Variants in FIGN observed in about 807,000 individuals in gnomAD.
FIGN encodes fidgetin, microtubule severing factor.
A neutral mutation model predicts 51.3 loss-of-function variants in FIGN; 11 were observed. That is an observed-to-expected ratio of 0.21 (90% CI 0.13 to 0.35). The LOEUF (loss-of-function observed/expected upper bound fraction) is 0.35. Among genes scored for constraint, FIGN ranks in the 10% least tolerant of loss-of-function variants. FIGN has a pLI of 1.00. For synonymous variants in FIGN, 407 were observed against 363.2 expected (o/e 1.12, Z -1.37); for missense variants, 857 against 943.6 (o/e 0.91, Z 1.20).
At chr2:163,639,722 G>T (rs950517428) in intron 2 of FIGN, among the ~76,000 whole-genome samples, 2 of 151,854 alleles carry the variant, frequency 1.3e-5, no homozygotes, top group Non-Finnish European at 2.9e-5. Context: ...AAATCTAAAA[G>T]GCATTTTTTT....
intron 2 of FIGN, among the ~76,000 whole-genome samples, chr2:163,684,632 T>C (rs1169920529): frequency 1.3e-5 from 2 of 152,182 alleles, no homozygotes; most frequent in African/African-American, 4.8e-5. Context: ...GAGGGAGAGG[T>C]AGATGTTTAT....
intron 2 of FIGN, among the ~76,000 whole-genome samples, chr2:163,639,447 T>C (rs1325046761): frequency 6.6e-6 from 1 of 152,140 alleles, no homozygotes; most frequent in Non-Finnish European, 1.5e-5. Flanking sequence ...AGGTTAAACA[T>C]GGCAAACAAG....
At chr2:163,661,338 C>T (rs1461293942) in intron 2 of FIGN, among the ~76,000 whole-genome samples, 1 of 151,774 alleles carries the variant, frequency 6.6e-6, no homozygotes, top group African/African-American at 2.4e-5. Flanking sequence ...CTACTGGGTT[C>T]AAGCGATTCT....
chr2:163,610,989 A>G lies in FIGN; in HGVS notation c.843T>C (p.Ala281=), dbSNP rs1017654144. 16 of 1,613,454 alleles carry G rather than the reference A, an allele frequency of 9.9e-6. No homozygotes were observed. Among genetic ancestry groups the G allele is most frequent in the Non-Finnish European group, 1.4e-5 (16 of 1,179,940 alleles). The change falls in exon 3 of 3, where the codon GCT becomes GCC. Residue 281 remains alanine (A), a synonymous_variant. Coordinates refer to ENST00000333129, the MANE Select transcript of FIGN (RefSeq NM_018086.4). ...PSAYLPSGIP[A]PTPLPPTTVP... Reference sequence around the variant, plus strand: ...CAGTGGTGGGGGGTAGGGGGGTGGGAGCAGGAATTCCTGAAGGCAGGTACG... The same window carrying G: ...CAGTGGTGGGGGGTAGGGGGGTGGGGGCAGGAATTCCTGAAGGCAGGTACG...
At chr2:163,730,093 C>T (rs1330800005) in intron 2 of FIGN, among the ~76,000 whole-genome samples, 1 of 152,236 alleles carries the variant, frequency 6.6e-6, no homozygotes, top group Non-Finnish European at 1.5e-5. Flanking sequence ...GAGCAGGCAC[C>T]TGTGGTGCTG....
intron 2 of FIGN, among the ~76,000 whole-genome samples, chr2:163,659,750 G>A (rs1338872976): frequency 1.3e-5 from 2 of 152,206 alleles, no homozygotes; most frequent in Non-Finnish European, 2.9e-5. Context: ...CAAATCAGAT[G>A]CAACTTTTTT....
chr2:163,652,229 T>TA (rs1211169777), intron 2 of FIGN, among the ~76,000 whole-genome samples: 1 of 151,964 alleles, frequency 6.6e-6, no homozygotes, highest in African/African-American at 2.4e-5. Flanking sequence ...AAAAGCTAAA[T>TA]AAAAAATAAC....
rs542520285 is a variant in FIGN, at chr2:163,683,813, G to A, written c.25+51090C>T. ...TGAAATAGAAGGGCAGGGAGTAATG[G>A]CAGGCCTAGAGAACATGTTTTAATG... On this transcript the variant is annotated intron_variant, in intron 2 of 2. Transcript: ENST00000333129. 2.6e-5 allele frequency among the ~76,000 whole-genome samples: 4 copies of A among 152,236 alleles called. No homozygotes were observed. The Middle Eastern group carries it at 0.014, about 518-fold the overall frequency.
In FIGN at chr2:163,671,073, G is replaced by A. The variant is rs139300017; in HGVS notation, c.26-59267C>T. Among the ~76,000 whole-genome samples the A allele has an allele frequency of 2.6e-4, 39 of 152,236 alleles. 1 individual carries two copies. The East Asian group carries it at 6.6e-3, about 26-fold the overall frequency. The stretch of plus-strand genomic sequence containing the variant: ...GATTCCCATTATCTATCCAGCTGGC[G>A]TGACTTGGCAAACAGTATTTTACAA... On this transcript the variant is annotated intron_variant, in intron 2 of 2. Coordinates refer to ENST00000333129, the MANE Select transcript of FIGN (RefSeq NM_018086.4).
At chr2:163,696,478 C>T (rs1288678214) in intron 2 of FIGN, among the ~76,000 whole-genome samples, 3 of 152,104 alleles carry the variant, frequency 2.0e-5, no homozygotes, top group Non-Finnish European at 4.4e-5. Flanking sequence ...GATGAAATAT[C>T]GCTGCAAGTA....
At position 163,610,490 on chromosome 2, in the gene FIGN, G is replaced by A. The variant is rs2231904; in HGVS notation, c.1342C>T (p.Arg448Cys). 1.9e-5 allele frequency: 31 copies of A among 1,614,004 alleles called. No homozygotes were observed. The East Asian group carries it at 2.2e-4, about 12-fold the overall frequency. The change falls in exon 3 of 3, where the codon CGT (arginine) becomes TGT (cysteine). Residue 448 changes from arginine to cysteine, a missense_variant. By Grantham distance (180) the Arg-to-Cys change is radical. Around this residue, in one of 3 missense-constraint regions of FIGN, gnomAD observed 799 missense variants for 849.5 expected, o/e 0.94. Transcript: ENST00000333129. ...LSHPMQGPGL[R>C]AATSSNHSVD... Reference sequence around the variant, plus strand: ...GAGTGGTTGGATGAGGTAGCTGCACGGAGTCCAGGGCCTTGCATTGGGTGA... The same window carrying A: ...GAGTGGTTGGATGAGGTAGCTGCACAGAGTCCAGGGCCTTGCATTGGGTGA...
chr2:163,688,197 T>A (rs768831522), intron 2 of FIGN, among the ~76,000 whole-genome samples: 16 of 152,158 alleles, frequency 1.1e-4, no homozygotes, highest in Admixed American at 2.6e-4. Flanking sequence ...TAAAAGATAC[T>A]CTGTGTAAAA....
At position 163,715,260 on chromosome 2, in the gene FIGN, T is replaced by G. The variant is rs1156912045; in HGVS notation, c.25+19643A>C. Among the ~76,000 whole-genome samples the G allele has an allele frequency of 3.3e-5, 5 of 152,140 alleles. No individual in the cohort carries two copies. The East Asian group carries it at 7.7e-4, about 23-fold the overall frequency. ...ATGCCTCAGTACTCGAGCTCACCAG[T>G]GCGCTGACCCTCTGTATCTTGGAGT... On this transcript the variant is annotated intron_variant, in intron 2 of 2. Coordinates refer to ENST00000333129, the MANE Select transcript of FIGN (RefSeq NM_018086.4).
At chr2:163,655,940 G>A (rs905117502) in intron 2 of FIGN, among the ~76,000 whole-genome samples, 4 of 152,138 alleles carry the variant, frequency 2.6e-5, no homozygotes, top group Non-Finnish European at 2.9e-5. Context: ...GAGCTAGGGA[G>A]TCTTTCATTG....
chr2:163,697,738 C>T lies in FIGN; in HGVS notation c.25+37165G>A, dbSNP rs148328769. Among the ~76,000 whole-genome samples the T allele has an allele frequency of 3.5e-3, 531 of 152,250 alleles. 2 individuals carry two copies. The highest frequency in any genetic ancestry group is 0.012 in the African/African-American group (501 of 41,558). Reference sequence around the variant, plus strand: ...CATGGGACCATATGCAAGTAATTTTCTCTGAGCCTGGTTTTCTCGTGTATA... The same window carrying T: ...CATGGGACCATATGCAAGTAATTTTTTCTGAGCCTGGTTTTCTCGTGTATA... On this transcript the variant is annotated intron_variant, in intron 2 of 2. Transcript: ENST00000333129.
chr2:163,627,671 G>A (rs1683073513), intron 2 of FIGN, among the ~76,000 whole-genome samples: 1 of 152,006 alleles, frequency 6.6e-6, no homozygotes, highest in African/African-American at 2.4e-5. Context: ...CCAAGTATCA[G>A]CCTTACCATT....
At chr2:163,700,715 TAAG>T (rs1394952346) in intron 2 of FIGN, among the ~76,000 whole-genome samples, 1 of 152,116 alleles carries the variant, frequency 6.6e-6, no homozygotes, top group Admixed American at 6.6e-5. Context: ...CATTTGAGGA[TAAG>T]AAATGCCTCT....
chr2:163,723,949 TG>T (rs1684799131), intron 2 of FIGN, among the ~76,000 whole-genome samples: 1 of 152,204 alleles, frequency 6.6e-6, no homozygotes, highest in Non-Finnish European at 1.5e-5. Flanking sequence ...AGATAATTTT[TG>T]GAGCTTTCTT....
At chr2:163,668,633 A>C (rs1683823507) in intron 2 of FIGN, among the ~76,000 whole-genome samples, 1 of 152,206 alleles carries the variant, frequency 6.6e-6, no homozygotes, top group Admixed American at 6.5e-5. Context: ...AGTTTTAAAT[A>C]GGTAAAACTT....
Sources: gnomAD v4.1 joint callset for allele counts (sites outside exome capture counted in the v4.1 genomes callset) on GRCh38, gnomAD v4.1.1 for gene constraint, gnomAD v4.1.1 regional missense constraint, MANE v1.5 for transcripts, NCBI Gene and HGNC (gene_info 2026-07-23, HGNC 2026-07-21) for gene names.